The following FILIP1L variants were observed in gnomAD, a reference collection of about 807,000 sequenced individuals.
The protein encoded by FILIP1L is filamin A-interacting protein 1-like.
A neutral mutation model predicts 96.6 loss-of-function variants in FILIP1L; 55 were observed. The observed-to-expected ratio is 0.57, with a 90% CI of 0.46 to 0.71. The LOEUF is 0.71. FILIP1L is among the 30% of genes least tolerant of loss of function. FILIP1L has a pLI of 0.00. For missense variants in FILIP1L, 1,304 were observed against 1,321.2 expected (o/e 0.99, Z 0.20); for synonymous variants, 467 against 473.9 (o/e 0.99, Z 0.19).
chr3:99,909,798 C>T (rs1304858540), intron 4 of FILIP1L, among the ~76,000 whole-genome samples: 2 of 152,136 alleles, frequency 1.3e-5, no homozygotes, highest in East Asian at 1.9e-4. Context: ...ATTCCATTTC[C>T]ATTCAACTGC....
chr3:99,908,450 A>G (rs1333128492), intron 4 of FILIP1L, among the ~76,000 whole-genome samples: 2 of 152,166 alleles, frequency 1.3e-5, no homozygotes, highest in Non-Finnish European at 1.5e-5. Flanking sequence ...CTCATTCAGT[A>G]TGTTTGGGGT....
intron 4 of FILIP1L, among the ~76,000 whole-genome samples, chr3:99,865,739 C>A (rs1168749866): frequency 1.3e-5 from 2 of 151,652 alleles, no homozygotes; most frequent in Non-Finnish European, 2.9e-5. Context: ...TGACAGACTT[C>A]AAGGGCATAA....
chr3:100,072,517 A>T (rs1211514544), intron 1 of FILIP1L, among the ~76,000 whole-genome samples: 1 of 152,172 alleles, frequency 6.6e-6, no homozygotes, highest in Non-Finnish European at 1.5e-5. Flanking sequence ...CAGTGGTGCA[A>T]TATCTTGCAT....
intron 1 of FILIP1L, among the ~76,000 whole-genome samples, chr3:99,972,479 T>C (rs1708852133): frequency 6.6e-6 from 1 of 152,232 alleles, no homozygotes; most frequent in Non-Finnish European, 1.5e-5. Flanking sequence ...TTTATTTCTC[T>C]CCATTAGTTA....
At chr3:100,083,909 G>T (rs1344484568) in intron 1 of FILIP1L, among the ~76,000 whole-genome samples, 1 of 152,016 alleles carries the variant, frequency 6.6e-6, no homozygotes, top group African/African-American at 2.4e-5. Flanking sequence ...AGTAGATTTT[G>T]GTCAGAAGTA....
chr3:99,877,810 G>T (rs906010836), intron 4 of FILIP1L, among the ~76,000 whole-genome samples: 13 of 152,154 alleles, frequency 8.5e-5, no homozygotes, highest in African/African-American at 2.7e-4. Flanking sequence ...AAAGTTGTAT[G>T]ATGCATAAAC....
chr3:99,982,242 T>C (rs1260270343), intron 1 of FILIP1L, among the ~76,000 whole-genome samples: 1 of 152,214 alleles, frequency 6.6e-6, no homozygotes, highest in Non-Finnish European at 1.5e-5. Context: ...ACATCTTTTT[T>C]TATGCCTGTC....
At chr3:100,088,717 CAT>C (rs1355630221) in intron 1 of FILIP1L, among the ~76,000 whole-genome samples, 2 of 152,030 alleles carry the variant, frequency 1.3e-5, no homozygotes, top group Admixed American at 6.6e-5. Context: ...CTAATCCTGA[CAT>C]ATTTTCTTGT....
chr3:99,868,856 C>T (rs906072103), intron 4 of FILIP1L, among the ~76,000 whole-genome samples: 1 of 152,168 alleles, frequency 6.6e-6, no homozygotes, highest in Admixed American at 6.5e-5. Flanking sequence ...TCCCCACAGC[C>T]CTTACAGCTT....
intron 5 of FILIP1L, among the ~76,000 whole-genome samples, chr3:99,846,062 C>G (rs1389098076): frequency 1.3e-5 from 2 of 152,150 alleles, no homozygotes; most frequent in South Asian, 2.1e-4. Context: ...GAAATTGAAT[C>G]CTTTCAAAAT....
chr3:100,036,983 C>G (rs1374861667), intron 1 of FILIP1L, among the ~76,000 whole-genome samples: 2 of 152,002 alleles, frequency 1.3e-5, no homozygotes, highest in Admixed American at 1.3e-4. Context: ...TGTTAGTATC[C>G]TGAAACACAT....
intron 4 of FILIP1L, among the ~76,000 whole-genome samples, chr3:99,913,096 G>T (rs183635614): frequency 4.0e-4 from 61 of 152,154 alleles, no homozygotes; most frequent in African/African-American, 1.4e-3. Context: ...AGACGACAGC[G>T]GTTTACAACC....
chr3:100,018,493 G>A (rs2107220344), intron 1 of FILIP1L, among the ~76,000 whole-genome samples: 1 of 152,172 alleles, frequency 6.6e-6, no homozygotes, highest in Non-Finnish European at 1.5e-5. Context: ...AATGGAAATG[G>A]ATAGCCACAT....
At chr3:100,111,004 T>C (rs1251326398) in intron 1 of FILIP1L, among the ~76,000 whole-genome samples, 1 of 152,186 alleles carries the variant, frequency 6.6e-6, no homozygotes, top group African/African-American at 2.4e-5. Context: ...ATCTTATTAC[T>C]CAGAATAATT....
intron 5 of FILIP1L, 51 bp downstream of exon 5, chr3:99,848,244 T>A: frequency 6.3e-7 from 1 of 1,595,404 alleles, no homozygotes; most frequent in Non-Finnish European, 8.6e-7. Context: ...TGCAAAAATA[T>A]CAGTATGGAC....
intron 4 of FILIP1L, among the ~76,000 whole-genome samples, chr3:99,905,576 C>A (rs1249315916): frequency 2.0e-5 from 3 of 152,146 alleles, no homozygotes; most frequent in Non-Finnish European, 4.4e-5. Flanking sequence ...TAAATGTGCA[C>A]AAATATTAAG....
intron 4 of FILIP1L, among the ~76,000 whole-genome samples, chr3:99,867,280 T>G (rs915611642): frequency 6.6e-6 from 1 of 152,188 alleles, no homozygotes; most frequent in Admixed American, 6.5e-5. Context: ...ATGTTCTGTT[T>G]GTGGCAGTTA....
chr3:99,989,915 T>C lies in FILIP1L; in HGVS notation c.-10-58885A>G, dbSNP rs192289275. On this transcript the variant is annotated intron_variant, in intron 1 of 5. Transcript: ENST00000477258. ...TTTTAAAACTGGAGTAGTTATTTCC[T>C]TAGTTCCAAGACACCTGGTACGTGC... Among the ~76,000 whole-genome samples the C allele has an allele frequency of 1.8e-3, 277 of 152,208 alleles. 1 individual carries two copies. Among genetic ancestry groups the C allele is most frequent in the African/African-American group, 6.3e-3 (262 of 41,546 alleles).
Position 99,995,614 on chromosome 3 carries a change from C to T in FILIP1L, c.-10-64584G>A, listed in dbSNP as rs534805036. On this transcript the variant is annotated intron_variant, in intron 1 of 5. Coordinates refer to ENST00000477258, the MANE Select transcript of FILIP1L (RefSeq NM_001387850.1). ...TGCCCTAGCAGAGGTTCTCTATGAG[C>T]GCCCTTCCCCTGCAGCAAACTTCTG... Among the ~76,000 whole-genome samples the T allele has an allele frequency of 3.4e-4, 52 of 152,330 alleles. No individual in the cohort carries two copies. In the South Asian group the frequency reaches 6.0e-3, roughly 18 times the overall value.
Sources: gnomAD v4.1 joint callset for allele counts (sites outside exome capture counted in the v4.1 genomes callset) on GRCh38, gnomAD v4.1.1 for gene constraint, MANE v1.5 for transcripts, NCBI Gene and HGNC (gene_info 2026-07-23, HGNC 2026-07-21) for gene names.